MRAP: variants seen among roughly 807,000 people sequenced by gnomAD.
MRAP encodes the protein melanocortin-2 receptor accessory protein.
In MRAP, 8 loss-of-function variants were observed where a neutral mutation model predicts 8.7. The observed-to-expected ratio is 0.92, with a 90% confidence interval of 0.54 to 1.66. The LOEUF is 1.66. Ranked by LOEUF, MRAP falls within the 40% of genes most tolerant of loss-of-function variation. The pLI is 0.00. For synonymous variants in MRAP, 95 were observed against 95.5 expected (o/e 1.00, Z 0.03); for missense variants, 237 against 217.1 (o/e 1.09, Z -0.58).
intron 1 of MRAP, among the ~76,000 whole-genome samples, chr21:32,300,733 C>G (rs552624417): frequency 2.2e-5 from 1 of 46,240 alleles, no homozygotes; most frequent in African/African-American, 6.2e-5. Context: ...CGTCATTCGT[C>G]CTATGTCAGT....
downstream of MRAP, chr21:32,312,444 G>C: frequency 9.0e-6 from 5 of 555,850 alleles, no homozygotes; most frequent in Non-Finnish European, 1.3e-5. Flanking sequence ...CCCCAGATGT[G>C]ATGGCATCTG....
chr21:32,295,167 G>A (rs187876227), upstream of MRAP, among the ~76,000 whole-genome samples: 465 of 152,126 alleles, frequency 3.1e-3, 4 homozygotes, highest in African/African-American at 0.01. Context: ...CAGGAAAAGC[G>A]CCTGAAGCAA....
intron 2 of MRAP, among the ~76,000 whole-genome samples, chr21:32,308,000 C>T (rs1161692956): frequency 6.6e-6 from 1 of 152,164 alleles, no homozygotes; most frequent in Non-Finnish European, 1.5e-5. Context: ...ATATATCTCA[C>T]TAAAGCTGTT....
chr21:32,299,688 G>C (rs2032213571), intron 1 of MRAP, among the ~76,000 whole-genome samples: 1 of 152,122 alleles, frequency 6.6e-6, no homozygotes, highest in East Asian at 1.9e-4. Flanking sequence ...CCAATAAGCT[G>C]AGCGAGTTTC....
intron 1 of MRAP, among the ~76,000 whole-genome samples, chr21:32,304,953 G>GTTTTTTTTTTTTTTTTTTTTTTTT (rs1159686772): frequency 8.8e-6 from 1 of 113,828 alleles, no homozygotes; most frequent in African/African-American, 3.7e-5. Context: ...AGGGGGATTT[G>GTTTTTTTTTTTTTTTTTTTTTTTT]TTTTTTTTGT....
intron 1 of MRAP, among the ~76,000 whole-genome samples, chr21:32,304,861 C>T (rs1023665598): frequency 2.0e-5 from 3 of 151,890 alleles, no homozygotes; most frequent in South Asian, 2.1e-4. Flanking sequence ...AGTGTAAATG[C>T]CAAGTTGCTG....
chr21:32,304,617 C>CA lies in MRAP; in HGVS notation c.107-2014dup, dbSNP rs1399887519. ...TGACAGATTAAGACTCTGTCTCAAA[C>CA]AAAAAAAAACAAACAAAAAACAAAA... On this transcript the variant is annotated intron_variant, in intron 1 of 2. Transcript: ENST00000303645. 4.1e-3 allele frequency among the ~76,000 whole-genome samples: 587 copies of CA among 141,942 alleles called. 3 individuals carry two copies. The highest frequency in any genetic ancestry group is 5.6e-3 in the Admixed American group (78 of 13,810). 93.1% of individuals were successfully genotyped at this position (141,942 alleles called of 152,430 possible). A position where few individuals can be genotyped will look rare whatever the true frequency, so the allele number is the denominator to read the frequency against.
At chr21:32,300,892 CTA>C (rs1490609316) in intron 1 of MRAP, among the ~76,000 whole-genome samples, 6 of 151,682 alleles carry the variant, frequency 4.0e-5, no homozygotes, top group Admixed American at 2.0e-4. Context: ...GTCATGCATC[CTA>C]TGTCGGGGCG....
chr21:32,313,215 C>G (rs372625924), downstream of MRAP: 1 of 152,342 alleles, frequency 6.6e-6, no homozygotes, highest in Non-Finnish European at 1.5e-5. Flanking sequence ...CCCACCTGCT[C>G]GCTGCCCCTC....
Position 32,298,902 on chromosome 21 carries a change from T to C in MRAP, c.-70T>C, listed in dbSNP as rs2032192651. The C allele has an allele frequency of 2.7e-6, 3 of 1,101,154 alleles. No homozygotes were observed. The highest frequency in any genetic ancestry group is 4.2e-6 in the Non-Finnish European group (3 of 720,120). 68.2% of individuals were successfully genotyped at this position (1,101,154 alleles called of 1,614,324 possible). On this transcript the variant is annotated 5_prime_UTR_variant, in exon 1 of 3. Coordinates refer to ENST00000303645, the MANE Select transcript of MRAP (RefSeq NM_001379228.1). ...TGCAGAAATCAGTGAGGCAGTCTCCTCCCAGGGGCTTGGCGCCTGGCTCGA... is the reference window on the plus strand; with the variant it reads ...TGCAGAAATCAGTGAGGCAGTCTCCCCCCAGGGGCTTGGCGCCTGGCTCGA...
downstream of MRAP, chr21:32,312,326 C>T: frequency 7.9e-7 from 1 of 1,264,336 alleles, no homozygotes; most frequent in Non-Finnish European, 1.0e-6. Flanking sequence ...TGCCACTTTA[C>T]CATTACTGTG....
intron 2 of MRAP, among the ~76,000 whole-genome samples, chr21:32,307,571 C>T (rs1364560251): frequency 3.5e-5 from 5 of 142,134 alleles, no homozygotes; most frequent in African/African-American, 7.9e-5. Flanking sequence ...AGTGAGACTC[C>T]GTCTCAAAAA....
At chr21:32,301,942 A>T (rs893299727) in intron 1 of MRAP, among the ~76,000 whole-genome samples, 9 of 151,944 alleles carry the variant, frequency 5.9e-5, no homozygotes, top group African/African-American at 1.9e-4. Context: ...ACTACATAAA[A>T]CTCTTTTTCT....
upstream of MRAP, among the ~76,000 whole-genome samples, chr21:32,295,199 C>T (rs1226567984): frequency 1.3e-5 from 2 of 152,038 alleles, no homozygotes; most frequent in African/African-American, 2.4e-5. Context: ...GGAGTGAACG[C>T]TTATTAGAAA....
At chr21:32,312,305 A>C (rs2032602115), downstream of MRAP, 1 of 1,314,356 alleles carries the variant, frequency 7.6e-7, no homozygotes, top group African/African-American at 1.5e-5. Context: ...TTTGCTTACT[A>C]ATCTTTACTA....
At chr21:32,298,193 A>T (rs1303074306), upstream of MRAP, among the ~76,000 whole-genome samples, 2 of 152,174 alleles carry the variant, frequency 1.3e-5, no homozygotes, top group African/African-American at 4.8e-5. Context: ...AACCCAGAAG[A>T]ATCTGCGTCA....
chr21:32,312,140 T>C lies in MRAP; in HGVS notation c.*144T>C. On this transcript the variant is annotated 3_prime_UTR_variant, in exon 3 of 3. Transcript: ENST00000303645. ...GTGCAACTAGAGCAGGAGCATCCTA[T>C]GCCTTTGACAAAGATTGCAGTGGCC... 6.5e-7 allele frequency: 1 copy of C among 1,536,878 alleles called. No homozygotes were observed. The highest frequency in any genetic ancestry group is 1.2e-5 in the South Asian group (1 of 83,968).
At chr21:32,306,961 G>A (rs971376627) in intron 2 of MRAP, 37 of 598,396 alleles carry the variant, frequency 6.2e-5, no homozygotes, top group Admixed American at 4.1e-4. Context: ...TGCTCAGTAT[G>A]TTGCAGATTT....
chr21:32,301,741 C>G (rs758672321), intron 1 of MRAP, among the ~76,000 whole-genome samples: 3 of 152,144 alleles, frequency 2.0e-5, no homozygotes, highest in Non-Finnish European at 4.4e-5. Flanking sequence ...GTCAATATAT[C>G]TGCTTCCCTT....
Sources: allele counts gnomAD v4.1 joint callset (sites outside exome capture counted in the v4.1 genomes callset), GRCh38; gene constraint gnomAD v4.1.1; transcripts MANE v1.5; gene names NCBI Gene and HGNC (gene_info 2026-07-23, HGNC 2026-07-21).